PCDH15: variants seen among roughly 807,000 people sequenced by gnomAD.
PCDH15 encodes the protein protocadherin related 15, also known as protocadherin-15.
In PCDH15, 129 loss-of-function variants were observed where a neutral mutation model predicts 178.5. The ratio of observed to expected loss-of-function variants is 0.72; its 90% CI spans 0.63 to 0.84. The LOEUF (loss-of-function observed/expected upper bound fraction) is 0.84, where lower values mean the gene tolerates loss of function less well. Among genes scored for constraint, PCDH15 ranks in the 40% least tolerant of loss-of-function variants. The probability of loss-of-function intolerance (pLI) is 0.00; values close to 1 mark genes in which losing one functional copy is unlikely to be tolerated. For missense variants in PCDH15, 2,230 were observed against 2,099.9 expected (o/e 1.06, Z -1.21); for synonymous variants, 800 against 732.0 (o/e 1.09, Z -1.50).
At position 53,992,011 on chromosome 10, in the gene PCDH15, C is replaced by T. The variant is rs188522616; in HGVS notation, c.2868+3638G>A. ...TGTTCTTTTGCTCTTTGCAATAAAT[C>T]TTGCTGCTGCTTACTGTTTGGGTCC... On this transcript the variant is annotated intron_variant, in intron 21 of 37. Coordinates refer to ENST00000644397, the MANE Select transcript of PCDH15 (RefSeq NM_001384140.1). 2.9e-3 allele frequency among the ~76,000 whole-genome samples: 435 copies of T among 152,208 alleles called. 3 individuals carry two copies. Among genetic ancestry groups the T allele is most frequent in the African/African-American group, 9.9e-3 (411 of 41,524 alleles).
chr10:55,167,566 T>C (rs920374102), intron 1 of PCDH15, among the ~76,000 whole-genome samples: 2 of 152,160 alleles, frequency 1.3e-5, no homozygotes, highest in Admixed American at 1.3e-4. Flanking sequence ...ATTGAAGTTA[T>C]AAAAGTTGTT....
At chr10:55,466,923 T>A (rs1839842796) in intron 2 of PCDH15, among the ~76,000 whole-genome samples, 1 of 152,218 alleles carries the variant, frequency 6.6e-6, no homozygotes, top group African/African-American at 2.4e-5. Flanking sequence ...TTCAGAGATG[T>A]GCTCTTTTTC....
chr10:54,081,157 C>T (rs761229536), intron 16 of PCDH15, among the ~76,000 whole-genome samples: 23 of 152,000 alleles, frequency 1.5e-4, no homozygotes, highest in Non-Finnish European at 2.9e-4. Flanking sequence ...CAAAACTTCG[C>T]TTAATTCATT....
At chr10:55,570,062 A>G (rs940259863) in intron 2 of PCDH15, among the ~76,000 whole-genome samples, 2 of 151,986 alleles carry the variant, frequency 1.3e-5, no homozygotes, top group African/African-American at 4.8e-5. Flanking sequence ...CAAACATGGG[A>G]TAGTAAGAAG....
intron 8 of PCDH15, among the ~76,000 whole-genome samples, chr10:54,299,476 A>G (rs2060019727): frequency 6.6e-6 from 1 of 152,240 alleles, no homozygotes. Context: ...TCTTCTCTGT[A>G]ACCCTATAAC....
chr10:55,594,590 C>T (rs914629075), intron 2 of PCDH15, among the ~76,000 whole-genome samples: 6 of 151,902 alleles, frequency 3.9e-5, no homozygotes, highest in African/African-American at 1.2e-4. Context: ...ACACATTTGG[C>T]GTTTCCAATG....
At position 53,802,862 on chromosome 10, in the gene PCDH15, C is replaced by T. The variant is rs2132338488; in HGVS notation, c.*3717G>A. ...TCTAATTCAGATTCTTATACAGTAA[C>T]ATAATATTTGTTAAGGAAGAACAGG... is the stretch of plus-strand genomic sequence containing the variant. On this transcript the variant is annotated 3_prime_UTR_variant, in exon 38 of 38. Transcript: ENST00000644397. The T allele has an allele frequency of 6.6e-6, 1 of 151,938 alleles. No individual in the cohort carries two copies. Among genetic ancestry groups the T allele is most frequent in the East Asian group, 1.9e-4 (1 of 5,166 alleles). 9.4% of individuals were successfully genotyped at this position (151,938 alleles called of 1,614,324 possible).
chr10:55,375,994 A>ATCT lies in PCDH15; in HGVS notation c.-155-209344_-155-209343insAGA, dbSNP rs1837387395. Among the ~76,000 whole-genome samples the ATCT allele has an allele frequency of 8.5e-5, 13 of 152,112 alleles. No homozygotes were observed. The South Asian group carries it at 2.5e-3, about 29-fold the overall frequency. On this transcript the variant is annotated intron_variant, in intron 2 of 5. Coordinates refer to the PCDH15 transcript ENST00000613346. Reference sequence around the variant, plus strand: ...AGTGTCTATAAAAATAGTTAATATAACATTTTAGTTTAGGACCATATTTAT... The same window carrying ATCT: ...AGTGTCTATAAAAATAGTTAATATAATCTCATTTTAGTTTAGGACCATATTTAT...
rs558838693 is a variant in PCDH15, at chr10:54,435,991, G to T, written c.158-57049C>A. 9.1e-5 allele frequency among the ~76,000 whole-genome samples: 10 copies of T among 109,760 alleles called. No homozygotes were observed. The East Asian group carries it at 1.7e-3, about 19-fold the overall frequency. The allele number at this position is 109,760 out of a possible 152,430, so 72.0% of individuals were successfully genotyped here. A position where few individuals can be genotyped will look rare whatever the true frequency, so the allele number is the denominator to read the frequency against. ...TCTTAAAAAAATGAAAGAAAGAAAA[G>T]AAAAGAAAAGAAGAGGAGAGGAGAG... On this transcript the variant is annotated intron_variant, in intron 3 of 37. Transcript: ENST00000644397.
intron 1 of PCDH15, among the ~76,000 whole-genome samples, chr10:54,766,055 A>G (rs1948475556): frequency 6.6e-6 from 1 of 152,158 alleles, no homozygotes; most frequent in Non-Finnish European, 1.5e-5. Context: ...TGTGTGAAAT[A>G]TAGCTATATA....
At chr10:54,666,486 G>A (rs1187365976) in intron 1 of PCDH15, among the ~76,000 whole-genome samples, 1 of 152,032 alleles carries the variant, frequency 6.6e-6, no homozygotes, top group African/African-American at 2.4e-5. Context: ...CTGCTGTATT[G>A]CTTCCCTTAA....
intron 2 of PCDH15, among the ~76,000 whole-genome samples, chr10:54,581,064 A>G (rs1170021638): frequency 1.3e-5 from 2 of 152,054 alleles, no homozygotes; most frequent in Non-Finnish European, 2.9e-5. Context: ...CACTTTCACT[A>G]CTTCTATTCA....
chr10:55,038,884 A>C (rs1420568334), intron 2 of PCDH15, among the ~76,000 whole-genome samples: 2 of 152,180 alleles, frequency 1.3e-5, no homozygotes, highest in African/African-American at 2.4e-5. Flanking sequence ...CTCTGACCTT[A>C]AATCAGGAAT....
intron 7 of PCDH15, among the ~76,000 whole-genome samples, chr10:54,324,081 G>A (rs2061781969): frequency 6.6e-6 from 1 of 151,978 alleles, no homozygotes; most frequent in Non-Finnish European, 1.5e-5. Context: ...CTCAGAAAAT[G>A]CCCAAGAAAC....
At chr10:54,637,240 T>A (rs944429788) in intron 2 of PCDH15, among the ~76,000 whole-genome samples, 1 of 151,914 alleles carries the variant, frequency 6.6e-6, no homozygotes, top group African/African-American at 2.4e-5. Context: ...AGTTTTCTTG[T>A]CAGTATCCCT....
At chr10:55,510,706 T>A (rs1308297214) in intron 2 of PCDH15, among the ~76,000 whole-genome samples, 1 of 151,788 alleles carries the variant, frequency 6.6e-6, no homozygotes, top group Non-Finnish European at 1.5e-5. Flanking sequence ...TAATTTTTCC[T>A]TCTGCTGAGA....
At chr10:54,724,634 G>A (rs1423581496) in intron 1 of PCDH15, among the ~76,000 whole-genome samples, 1 of 151,244 alleles carries the variant, frequency 6.6e-6, no homozygotes, top group African/African-American at 2.4e-5. Context: ...ATATATAAAA[G>A]TATATTTACA....
At chr10:54,445,001 A>G (rs114499188) in intron 3 of PCDH15, among the ~76,000 whole-genome samples, 3,602 of 151,398 alleles carry the variant, frequency 0.024, 152 homozygotes, top group African/African-American at 0.082. Flanking sequence ...AAGTTCAAGG[A>G]AAGAATCATT....
intron 3 of PCDH15, among the ~76,000 whole-genome samples, chr10:54,407,130 C>T (rs557121065): frequency 5.9e-5 from 9 of 152,124 alleles, no homozygotes; most frequent in Middle Eastern, 3.4e-3. Context: ...GCTCAATATC[C>T]ACTGATAAAA....
Sources: allele counts gnomAD v4.1 joint callset (sites outside exome capture counted in the v4.1 genomes callset), GRCh38; gene constraint gnomAD v4.1.1; transcripts MANE v1.5; gene names NCBI Gene and HGNC (gene_info 2026-07-23, HGNC 2026-07-21).